Variants in EDDM13 observed in about 807,000 individuals in gnomAD.
EDDM13 encodes the protein epididymal protein 13.
EDDM13 carries 24 observed loss-of-function variants against 17.8 expected under a neutral mutation model. That is an observed-to-expected ratio of 1.35 (90% confidence interval 0.98 to 1.90). The LOEUF (loss-of-function observed/expected upper bound fraction) is 1.90, where lower values mean the gene tolerates loss of function less well. Ranked by LOEUF, EDDM13 falls within the 40% of genes most tolerant of loss-of-function variation. The pLI is 0.00. For missense variants in EDDM13, 97 were observed against 100.8 expected, an observed-to-expected ratio of 0.96 and a Z score of 0.16; for synonymous variants, 31 against 37.5, an observed-to-expected ratio of 0.83 and a Z score of 0.63.
chr19:56,304,876 G>A (rs2040581935), intron 14 of EDDM13, 46 bp downstream of exon 14: 4 of 802,660 alleles, frequency 5.0e-6, no homozygotes, highest in Non-Finnish European at 6.0e-6. Flanking sequence ...CTGGGGTGGG[G>A]TTAGGGGAGG....
At chr19:56,301,093 C>G (rs1240075077) in intron 12 of EDDM13, among the ~76,000 whole-genome samples, 1 of 152,078 alleles carries the variant, frequency 6.6e-6, no homozygotes, top group East Asian at 1.9e-4. Context: ...TCAAGACCCC[C>G]AGAGAGGGTT....
intron 13 of EDDM13, chr19:56,302,998 G>A (rs2040446850): frequency 2.5e-6 from 1 of 397,336 alleles, no homozygotes; most frequent in South Asian, 1.3e-4. Flanking sequence ...TAGTGCAGGA[G>A]GCAGTGGCGC....
chr19:56,292,777 T>A (rs1008832538), intron 9 of EDDM13, among the ~76,000 whole-genome samples: 8 of 152,228 alleles, frequency 5.3e-5, no homozygotes, highest in African/African-American at 1.9e-4. Context: ...CTCTGCAAGT[T>A]TGAGGATTCT....
At chr19:56,273,332 G>T (rs897129001) in intron 1 of EDDM13, among the ~76,000 whole-genome samples, 1 of 152,160 alleles carries the variant, frequency 6.6e-6, no homozygotes, top group African/African-American at 2.4e-5. Flanking sequence ...CTTTTGCGAC[G>T]TAAAGACACC....
At chr19:56,302,572 T>TCC (rs2040373499) in intron 13 of EDDM13, among the ~76,000 whole-genome samples, 3 of 61,888 alleles carry the variant, frequency 4.8e-5, no homozygotes, top group African/African-American at 1.8e-4. Context: ...CCCTTCCTTT[T>TCC]CTTCCTCCCC....
intron 2 of EDDM13, among the ~76,000 whole-genome samples, chr19:56,279,030 C>T (rs1395653542): frequency 6.6e-6 from 1 of 152,158 alleles, no homozygotes; most frequent in Non-Finnish European, 1.5e-5. Context: ...TGGGGCAGCC[C>T]AAACATTCTA....
At chr19:56,307,136 A>G (rs111452842) in intron 14 of EDDM13, among the ~76,000 whole-genome samples, 3 of 114,424 alleles carry the variant, frequency 2.6e-5, no homozygotes, top group Middle Eastern at 5.5e-3. Flanking sequence ...GGCCTCTCCC[A>G]CGTCGCCAGA....
chr19:56,283,337 G>A (rs1293309294), intron 4 of EDDM13: 1 of 152,076 alleles, frequency 6.6e-6, no homozygotes. Context: ...GCTAGGCTAA[G>A]TACTCAATCT....
chr19:56,273,265 G>A (rs935013623), intron 1 of EDDM13, among the ~76,000 whole-genome samples: 3 of 152,184 alleles, frequency 2.0e-5, no homozygotes, highest in African/African-American at 7.2e-5. Flanking sequence ...AGCTTACGTT[G>A]TGCAGTGCCT....
At chr19:56,296,758 G>C (rs1056059182) in intron 11 of EDDM13, among the ~76,000 whole-genome samples, 1 of 152,000 alleles carries the variant, frequency 6.6e-6, no homozygotes, top group Non-Finnish European at 1.5e-5. Context: ...TTTTGGCTGG[G>C]CATGGTGGCT....
rs186707484 is a variant in EDDM13, at chr19:56,285,071, G to A, written c.154+47G>A. On this transcript the variant is annotated intron_variant, in intron 6 of 14. Transcript: ENST00000649256. ...TTTAAACCTGGTCTTTCTCTTGTCC[G>A]CAAGGTAATGTAGACTTATTGAGTC... 853 of 951,832 alleles carry A rather than the reference G, an allele frequency of 9.0e-4. 15 individuals are homozygous for A. The South Asian group carries it at 0.03, about 34-fold the overall frequency. The allele number at this position is 951,832 out of a possible 1,614,324, so 59.0% of individuals were successfully genotyped here. A position where few individuals can be genotyped will look rare whatever the true frequency, so the allele number is the denominator to read the frequency against.
chr19:56,279,800 C>A (rs1292484020), intron 2 of EDDM13, among the ~76,000 whole-genome samples: 1 of 151,590 alleles, frequency 6.6e-6, no homozygotes, highest in African/African-American at 2.4e-5. Flanking sequence ...TCTCATGATC[C>A]ACACTGTTTT....
At chr19:56,288,562 G>A (rs1405337541) in intron 7 of EDDM13, among the ~76,000 whole-genome samples, 124 bp downstream of exon 7, 3 of 152,168 alleles carry the variant, frequency 2.0e-5, no homozygotes, top group African/African-American at 4.8e-5. Context: ...TAGTCTGTGA[G>A]CTCCCTGAGC....
chr19:56,284,231 G>GC, intron 5 of EDDM13, 25 bp downstream of exon 5: 1 of 968,632 alleles, frequency 1.0e-6, no homozygotes. Flanking sequence ...ACTTCACAAT[G>GC]CCCCCAGACT....
chr19:56,288,781 T>C (rs1007479444), intron 7 of EDDM13, among the ~76,000 whole-genome samples, 93 bp from the exon 8 acceptor site: 1 of 152,188 alleles, frequency 6.6e-6, no homozygotes, highest in African/African-American at 2.4e-5. Flanking sequence ...GGATGCTTAG[T>C]CAGTGGTGTC....
At chr19:56,297,937 A>T (rs1266517326) in intron 12 of EDDM13, 1 of 152,098 alleles carries the variant, frequency 6.6e-6, no homozygotes, top group African/African-American at 2.4e-5. Flanking sequence ...AGAGCCGGGC[A>T]TGGTGGCAGC....
chr19:56,302,547 TCCTC>T (rs141792778), intron 13 of EDDM13, among the ~76,000 whole-genome samples: 34,148 of 78,494 alleles, frequency 0.44, 8,738 homozygotes, highest in Non-Finnish European at 0.54. Context: ...TCCTCCCCGT[TCCTC>T]CCTCCCTCCC....
intron 13 of EDDM13, among the ~76,000 whole-genome samples, chr19:56,302,511 TTCC>T (rs2040332791): frequency 1.1e-4 from 3 of 26,718 alleles, no homozygotes; most frequent in African/African-American, 7.1e-4. Context: ...CTGCCCTTCT[TTCC>T]TTCCTCCCTC....
At chr19:56,299,334 TG>T (rs965727441) in intron 12 of EDDM13, among the ~76,000 whole-genome samples, 1 of 151,988 alleles carries the variant, frequency 6.6e-6, no homozygotes, top group Non-Finnish European at 1.5e-5. Flanking sequence ...GGTCTCCCTA[TG>T]TTGCCCAGGC....
Sources: gnomAD v4.1 joint callset for allele counts (sites outside exome capture counted in the v4.1 genomes callset) on GRCh38, gnomAD v4.1.1 for gene constraint, MANE v1.5 for transcripts, NCBI Gene and HGNC (gene_info 2026-07-23, HGNC 2026-07-21) for gene names.